MBD3L1: variants seen among roughly 807,000 people sequenced by gnomAD.
The protein encoded by MBD3L1 is methyl-CpG-binding domain protein 3-like 1.
For synonymous variants in MBD3L1, 84 were observed against 85.1 expected (o/e 0.99, Z 0.07); for missense variants, 203 against 230.1 (o/e 0.88, Z 0.76).
Position 8,843,050 on chromosome 19 carries a change from C to T in MBD3L1, c.372C>T (p.Cys124=), listed in dbSNP as rs1391384876. 6.2e-7 allele frequency: 1 copy of T among 1,614,070 alleles called. No homozygotes were observed. Residue 124 remains cysteine (C), a synonymous_variant, in exon 3 of 3, where the codon TGC becomes TGT. Transcript: ENST00000595891. The stretch of plus-strand genomic sequence containing the variant: ...CCTGCCCCATGCCCCACCTTGCCTG[C>T]TCTTCAGATGCGGTGGAGATAATTC... ...EHSCPMPHLA[C]SSDAVEIIPA...
intron 1 of MBD3L1, among the ~76,000 whole-genome samples, chr19:8,835,585 G>T (rs1190381752): frequency 3.3e-5 from 5 of 152,184 alleles, no homozygotes; most frequent in African/African-American, 1.2e-4. Flanking sequence ...TGTCAGGATT[G>T]TAAAATGGTG....
chr19:8,834,347 C>T (rs982230583), intron 1 of MBD3L1, among the ~76,000 whole-genome samples: 9 of 152,120 alleles, frequency 5.9e-5, no homozygotes, highest in Admixed American at 1.3e-4. Context: ...TGGTGGCTCA[C>T]GCCTGTAACC....
chr19:8,836,709 C>T (rs774267280), intron 1 of MBD3L1, among the ~76,000 whole-genome samples: 14 of 152,172 alleles, frequency 9.2e-5, no homozygotes, highest in Non-Finnish European at 1.6e-4. Flanking sequence ...AGAGGCTAGT[C>T]TCGAACTCCT....
At chr19:8,841,196 CTT>C (rs749536479) in intron 2 of MBD3L1, among the ~76,000 whole-genome samples, 197 bp downstream of exon 2, 29 of 135,492 alleles carry the variant, frequency 2.1e-4, no homozygotes, top group South Asian at 1.5e-3. Context: ...CCAGCTAATT[CTT>C]TTTTTTTTTT....
At chr19:8,832,756 T>G (rs1362233892) in intron 1 of MBD3L1, among the ~76,000 whole-genome samples, 2 of 148,416 alleles carry the variant, frequency 1.3e-5, no homozygotes, top group African/African-American at 5.0e-5. Flanking sequence ...CGGGGATGAC[T>G]GAGCAGAGAC....
At chr19:8,838,108 C>A (rs779255632) in intron 1 of MBD3L1, among the ~76,000 whole-genome samples, 1 of 151,300 alleles carries the variant, frequency 6.6e-6, no homozygotes, top group Non-Finnish European at 1.5e-5. Flanking sequence ...ATAAGCTGGG[C>A]GTGGTGGTGC....
intron 1 of MBD3L1, among the ~76,000 whole-genome samples, chr19:8,836,992 T>C (rs1168897874): frequency 1.3e-5 from 2 of 152,148 alleles, no homozygotes; most frequent in Non-Finnish European, 2.9e-5. Flanking sequence ...CCTTTACAAA[T>C]ACATACAACT....
At chr19:8,839,364 C>T (rs958461253) in intron 1 of MBD3L1, among the ~76,000 whole-genome samples, 15 of 151,636 alleles carry the variant, frequency 9.9e-5, no homozygotes, top group African/African-American at 3.6e-4. Context: ...AATATTATGG[C>T]TAATATTTTG....
intron 2 of MBD3L1, among the ~76,000 whole-genome samples, chr19:8,842,398 A>G (rs1484115031): frequency 6.6e-6 from 1 of 151,796 alleles, no homozygotes; most frequent in Non-Finnish European, 1.5e-5. Context: ...TCAGGACTTG[A>G]GCATTTAAGA....
At chr19:8,839,329 G>A (rs551784128) in intron 1 of MBD3L1, among the ~76,000 whole-genome samples, 1 of 151,664 alleles carries the variant, frequency 6.6e-6, no homozygotes, top group Non-Finnish European at 1.5e-5. Flanking sequence ...GGATACAGGT[G>A]TGTGCCACCA....
intron 1 of MBD3L1, among the ~76,000 whole-genome samples, chr19:8,834,135 C>A (rs944970035): frequency 6.6e-6 from 1 of 152,090 alleles, no homozygotes; most frequent in Non-Finnish European, 1.5e-5. Flanking sequence ...TTTCATGCAC[C>A]CGTCCTTTCA....
Position 8,842,960 on chromosome 19 carries a change from A to G in MBD3L1, c.282A>G (p.Gln94=). The change falls in exon 3 of 3, where the codon CAA becomes CAG. Residue 94 remains glutamine (Q), a synonymous_variant. Coordinates refer to ENST00000595891, the MANE Select transcript of MBD3L1 (RefSeq NM_001393532.1). ...SSTLDLANTL[Q]KLVPSYTGGS... ...CTTTGGATCTTGCCAATACCTTGCAAAAACTTGTCCCTAGTTACACAGGTG... is the reference window on the plus strand; with the variant it reads ...CTTTGGATCTTGCCAATACCTTGCAGAAACTTGTCCCTAGTTACACAGGTG... 1 of 1,614,230 alleles carries G rather than the reference A, an allele frequency of 6.2e-7. No individual in the cohort carries two copies. Among genetic ancestry groups the G allele is most frequent in the Non-Finnish European group, 8.5e-7 (1 of 1,180,036 alleles).
chr19:8,837,958 A>G (rs1416460373), intron 1 of MBD3L1, among the ~76,000 whole-genome samples: 1 of 152,024 alleles, frequency 6.6e-6, no homozygotes, highest in Admixed American at 6.6e-5. Flanking sequence ...CCAGAAGATC[A>G]GCAGCCCTGG....
rs1046705727 is a variant in MBD3L1, at chr19:8,835,910, T to TA, written c.-107+3394dup. Among the ~76,000 whole-genome samples the TA allele has an allele frequency of 3.3e-5, 5 of 152,180 alleles. No homozygotes were observed. The East Asian group carries it at 5.8e-4, about 18-fold the overall frequency. ...TACGGTAAGTAAAAGAAGCCACTCA[T>TA]AAAAAACCCACATTTTGTATAATTC... On this transcript the variant is annotated intron_variant, in intron 1 of 2. Transcript: ENST00000595891.
intron 1 of MBD3L1, among the ~76,000 whole-genome samples, chr19:8,835,209 G>T (rs1031425144): frequency 6.6e-6 from 1 of 151,962 alleles, no homozygotes; most frequent in Non-Finnish European, 1.5e-5. Flanking sequence ...TCACCACCAC[G>T]CCTGGCTAAT....
intron 1 of MBD3L1, among the ~76,000 whole-genome samples, chr19:8,839,335 C>T (rs1207976845): frequency 1.3e-5 from 2 of 151,838 alleles, no homozygotes; most frequent in Non-Finnish European, 2.9e-5. Flanking sequence ...AGGTGTGTGC[C>T]ACCACACCCA....
At chr19:8,841,172 G>A (rs895134741) in intron 2 of MBD3L1, among the ~76,000 whole-genome samples, 173 bp downstream of exon 2, 3 of 151,232 alleles carry the variant, frequency 2.0e-5, no homozygotes, top group Admixed American at 6.6e-5. Flanking sequence ...GACTACAGGT[G>A]TGCGCCACCA....
intron 1 of MBD3L1, among the ~76,000 whole-genome samples, chr19:8,834,637 A>T (rs1045705584): frequency 2.6e-5 from 4 of 151,408 alleles, no homozygotes. Flanking sequence ...CCAAAAAAAA[A>T]CAAAAAAAAA....
At chr19:8,839,386 G>C (rs1305581768) in intron 1 of MBD3L1, among the ~76,000 whole-genome samples, 1 of 151,874 alleles carries the variant, frequency 6.6e-6, no homozygotes, top group Non-Finnish European at 1.5e-5. Context: ...ATTTTTAGTA[G>C]AGATGGGGTT....
Sources: allele counts gnomAD v4.1 joint callset (sites outside exome capture counted in the v4.1 genomes callset), GRCh38; gene constraint gnomAD v4.1.1; transcripts MANE v1.5; gene names NCBI Gene and HGNC (gene_info 2026-07-23, HGNC 2026-07-21).